The following PSMB7 variants were observed in gnomAD, a reference collection of about 807,000 sequenced individuals.
PSMB7 encodes the protein proteasome 20S subunit beta 7.
PSMB7 carries 5 observed loss-of-function variants against 28.1 expected under a neutral mutation model. That is an observed-to-expected ratio of 0.18 (90% CI 0.09 to 0.37). The LOEUF (loss-of-function observed/expected upper bound fraction) is 0.37, where lower values mean the gene tolerates loss of function less well. PSMB7 is among the 10% of genes least tolerant of loss of function. The pLI is 1.00. For missense variants in PSMB7, 275 were observed against 346.2 expected, an observed-to-expected ratio of 0.79 and a Z score of 1.63; for synonymous variants, 122 against 123.7, an observed-to-expected ratio of 0.99 and a Z score of 0.09.
chr9:124,385,599 GA>G (rs1194031995), intron 5 of PSMB7, among the ~76,000 whole-genome samples: 1 of 152,154 alleles, frequency 6.6e-6, no homozygotes, highest in East Asian at 1.9e-4. Context: ...CCAATTAGAA[GA>G]TTTTTTTGGC....
At chr9:124,414,461 C>G (rs771204051) in intron 2 of PSMB7, among the ~76,000 whole-genome samples, 1 of 152,116 alleles carries the variant, frequency 6.6e-6, no homozygotes, top group Admixed American at 6.6e-5. Context: ...CTGAAGGTGT[C>G]CCTGTGAGAA....
chr9:124,355,296 C>T (rs943041206), intron 7 of PSMB7, among the ~76,000 whole-genome samples: 3 of 152,192 alleles, frequency 2.0e-5, no homozygotes, highest in Non-Finnish European at 4.4e-5. Context: ...TTCTTTTGTT[C>T]TTGGGTGTTT....
chr9:124,382,907 T>C (rs556901254), intron 6 of PSMB7, among the ~76,000 whole-genome samples: 1 of 152,340 alleles, frequency 6.6e-6, no homozygotes, highest in East Asian at 1.9e-4. Context: ...TTCTCATTTT[T>C]CTTTAACATA....
At chr9:124,403,255 T>C (rs1291566157) in intron 5 of PSMB7, among the ~76,000 whole-genome samples, 1 of 151,750 alleles carries the variant, frequency 6.6e-6, no homozygotes, top group Non-Finnish European at 1.5e-5. Flanking sequence ...AAAAAAAAAT[T>C]ATCAGCCACC....
intron 6 of PSMB7, among the ~76,000 whole-genome samples, chr9:124,382,640 GC>G (rs1176480455): frequency 1.3e-5 from 2 of 152,122 alleles, no homozygotes; most frequent in African/African-American, 4.8e-5. Flanking sequence ...TAAGAATATG[GC>G]CAATCTGTTT....
chr9:124,394,115 G>C (rs1477061051), intron 5 of PSMB7, among the ~76,000 whole-genome samples: 1 of 152,212 alleles, frequency 6.6e-6, no homozygotes, highest in African/African-American at 2.4e-5. Flanking sequence ...TGATGGACTA[G>C]ACAGTATTAT....
At chr9:124,390,255 TG>T (rs1469623349) in intron 5 of PSMB7, among the ~76,000 whole-genome samples, 8 of 152,156 alleles carry the variant, frequency 5.3e-5, no homozygotes. Context: ...GAAGCAGAAA[TG>T]GATAGAACTC....
intron 6 of PSMB7, among the ~76,000 whole-genome samples, chr9:124,374,014 ATAAG>A (rs765577990): frequency 2.0e-5 from 3 of 152,252 alleles, no homozygotes; most frequent in Non-Finnish European, 2.9e-5. Flanking sequence ...CAACTAATGA[ATAAG>A]TAAAATGTGG....
At chr9:124,392,483 G>A (rs947125547) in intron 5 of PSMB7, among the ~76,000 whole-genome samples, 3 of 152,186 alleles carry the variant, frequency 2.0e-5, no homozygotes, top group Non-Finnish European at 2.9e-5. Context: ...TACTGAACTA[G>A]GTTCCTTCCC....
chr9:124,399,009 C>CAAAAAAA (rs34386702), intron 5 of PSMB7, among the ~76,000 whole-genome samples: 8 of 129,280 alleles, frequency 6.2e-5, no homozygotes, highest in Non-Finnish European at 4.9e-5. Flanking sequence ...AAGCTTTAAC[C>CAAAAAAA]AAAAAAAAAA....
Position 124,414,947 on chromosome 9 carries a change from T to A in PSMB7, c.63-12A>T. The A allele has an allele frequency of 6.3e-7, 1 of 1,593,956 alleles. No individual in the cohort carries two copies. The highest frequency in any genetic ancestry group is 8.6e-7 in the Non-Finnish European group (1 of 1,163,722). On this transcript the variant is annotated splice_polypyrimidine_tract_variant and intron_variant, in intron 1 of 7. Transcript: ENST00000259457. ...CCAAGACGGCATTCCTAAGAGCAAATGAGAGAATCAAGTGTTGAAGGGCAG... is the reference window on the plus strand; with the variant it reads ...CCAAGACGGCATTCCTAAGAGCAAAAGAGAGAATCAAGTGTTGAAGGGCAG...
At chr9:124,375,065 C>A (rs1364696422) in intron 6 of PSMB7, among the ~76,000 whole-genome samples, 2 of 151,776 alleles carry the variant, frequency 1.3e-5, no homozygotes, top group Non-Finnish European at 2.9e-5. Flanking sequence ...CACTTGAACC[C>A]AGGAAGTGGA....
At chr9:124,382,498 G>A (rs1564680260) in intron 6 of PSMB7, among the ~76,000 whole-genome samples, 1 of 152,062 alleles carries the variant, frequency 6.6e-6, no homozygotes, top group African/African-American at 2.4e-5. Flanking sequence ...ATGAGCCGCT[G>A]CGCCCAGTCG....
intron 6 of PSMB7, among the ~76,000 whole-genome samples, chr9:124,361,742 T>C (rs1343592958): frequency 6.6e-6 from 1 of 152,252 alleles, no homozygotes; most frequent in Admixed American, 6.5e-5. Context: ...AGATGGAGAC[T>C]GTATTAAATC....
chr9:124,358,431 ATTC>A (rs1460202672), intron 6 of PSMB7, among the ~76,000 whole-genome samples: 1 of 152,194 alleles, frequency 6.6e-6, no homozygotes, highest in Non-Finnish European at 1.5e-5. Flanking sequence ...AATGAAGCCA[ATTC>A]TTCTTTTGTA....
intron 6 of PSMB7, among the ~76,000 whole-genome samples, chr9:124,379,936 A>G (rs1830649181): frequency 6.6e-6 from 1 of 152,224 alleles, no homozygotes; most frequent in Non-Finnish European, 1.5e-5. Flanking sequence ...ACACATACTG[A>G]ACCTCAGGAG....
At chr9:124,367,123 G>A (rs541922325) in intron 6 of PSMB7, among the ~76,000 whole-genome samples, 2 of 152,342 alleles carry the variant, frequency 1.3e-5, no homozygotes, top group South Asian at 4.1e-4. Context: ...AATGAGAGAT[G>A]GTGGCGGGGC....
chr9:124,404,635 T>C (rs796513065), intron 5 of PSMB7, among the ~76,000 whole-genome samples: 2 of 152,276 alleles, frequency 1.3e-5, no homozygotes, highest in African/African-American at 4.8e-5. Flanking sequence ...GCAGATTACT[T>C]GAAGTCAGGA....
chr9:124,368,059 G>A lies in PSMB7; in HGVS notation c.571-11144C>T, dbSNP rs112399084. The stretch of plus-strand genomic sequence containing the variant: ...TGCACATCTTCCATGTAGAATTACC[G>A]CCATTTCGGTGAGAAGTGTAAGTAC... On this transcript the variant is annotated intron_variant, in intron 6 of 7. Coordinates refer to ENST00000259457, the MANE Select transcript of PSMB7 (RefSeq NM_002799.4). Among the ~76,000 whole-genome samples the A allele has an allele frequency of 3.7e-3, 565 of 152,228 alleles. 4 individuals are homozygous for A. Among genetic ancestry groups the A allele is most frequent in the African/African-American group, 0.013 (544 of 41,530 alleles).
Sources: allele counts gnomAD v4.1 joint callset (sites outside exome capture counted in the v4.1 genomes callset), GRCh38; gene constraint gnomAD v4.1.1; transcripts MANE v1.5; gene names NCBI Gene and HGNC (gene_info 2026-07-23, HGNC 2026-07-21).